Variants in ARIH1 observed in about 807,000 individuals in gnomAD.
The protein encoded by ARIH1 is ariadne RBR E3 ubiquitin protein ligase 1.
ARIH1 carries 8 observed loss-of-function variants against 85.0 expected under a neutral mutation model. That is an observed-to-expected ratio of 0.09 (90% CI 0.06 to 0.17). The LOEUF is 0.17. Ranked by LOEUF, ARIH1 falls within the 10% of genes least tolerant of loss-of-function variation. The probability of loss-of-function intolerance (pLI) is 1.00; values close to 1 mark genes in which losing one functional copy is unlikely to be tolerated. For synonymous variants in ARIH1, 238 were observed against 253.6 expected (o/e 0.94, Z 0.59); for missense variants, 311 against 718.1 (o/e 0.43, Z 6.48).
intron 1 of ARIH1, among the ~76,000 whole-genome samples, chr15:72,497,299 T>C (rs2063883897): frequency 6.8e-6 from 1 of 147,492 alleles, no homozygotes; most frequent in Non-Finnish European, 1.5e-5. Context: ...TTCCTGACTC[T>C]GGAATATTTT....
intron 2 of ARIH1, among the ~76,000 whole-genome samples, chr15:72,519,857 G>T (rs1421085795): frequency 6.6e-6 from 1 of 151,962 alleles, no homozygotes; most frequent in Non-Finnish European, 1.5e-5. Context: ...TTTATTTGAT[G>T]ACACCTCTAC....
intron 3 of ARIH1, among the ~76,000 whole-genome samples, chr15:72,546,679 TTTGTTTTGTTTTG>T (rs2064130294): frequency 2.0e-5 from 3 of 151,628 alleles, no homozygotes; most frequent in African/African-American, 7.3e-5. Context: ...GTGTGTTTTG[TTTGTTTTGTTTTG>T]TTTGTTTGTT....
chr15:72,536,290 T>C (rs1429132042), intron 2 of ARIH1, among the ~76,000 whole-genome samples: 1 of 152,198 alleles, frequency 6.6e-6, no homozygotes, highest in Non-Finnish European at 1.5e-5. Context: ...AGAGATAGGG[T>C]CTTGCTATAT....
rs559984395 is a variant in ARIH1 at position 72,562,177 on chromosome 15, G to C, written c.804+628G>C. 4.6e-5 allele frequency among the ~76,000 whole-genome samples: 7 copies of C among 151,962 alleles called. No homozygotes were observed. In the East Asian group the frequency reaches 1.2e-3, roughly 25 times the overall value. Reference sequence around the variant, plus strand: ...TTCTAACCCTGCTATTTCTCTGCTCGTTTTAGGTTTCATTACCAGTAAATC... The same window carrying C: ...TTCTAACCCTGCTATTTCTCTGCTCCTTTTAGGTTTCATTACCAGTAAATC... On this transcript the variant is annotated intron_variant, in intron 6 of 13. Coordinates refer to ENST00000379887, the MANE Select transcript of ARIH1 (RefSeq NM_005744.5).
chr15:72,561,737 T>G (rs972407386), intron 6 of ARIH1, among the ~76,000 whole-genome samples, 188 bp downstream of exon 6: 1 of 152,178 alleles, frequency 6.6e-6, no homozygotes, highest in South Asian at 2.1e-4. Flanking sequence ...ATCCCAGCAC[T>G]AAGGGAGGCC....
intron 1 of ARIH1, among the ~76,000 whole-genome samples, chr15:72,481,895 G>C (rs1276444831): frequency 2.0e-5 from 3 of 152,026 alleles, no homozygotes; most frequent in Admixed American, 1.3e-4. Context: ...GGGGTGCAGT[G>C]GCGCCATCTC....
intron 3 of ARIH1, among the ~76,000 whole-genome samples, chr15:72,547,242 T>TCTC (rs1242890346): frequency 4.0e-5 from 2 of 49,758 alleles, no homozygotes; most frequent in African/African-American, 1.0e-4. Context: ...CCTTTTCTCT[T>TCTC]TTTTTTTTGA....
chr15:72,543,227 G>A lies in ARIH1; in HGVS notation c.444-1593G>A, dbSNP rs186677105. ...TGGGATTGCAGGTGTGAGCCACCGC[G>A]GCGCCTGTAATCCCAGCTACTCGGG... On this transcript the variant is annotated intron_variant, in intron 2 of 13. Transcript: ENST00000379887. Among the ~76,000 whole-genome samples the A allele has an allele frequency of 4.5e-3, 680 of 152,010 alleles. 2 individuals carry two copies. The highest frequency in any genetic ancestry group is 7.9e-3 in the Non-Finnish European group (537 of 67,960).
intron 2 of ARIH1, among the ~76,000 whole-genome samples, chr15:72,523,722 A>G (rs1357423380): frequency 6.6e-6 from 1 of 151,964 alleles, no homozygotes; most frequent in East Asian, 1.9e-4. Flanking sequence ...TAGGGAGGCT[A>G]TGGGTATGTA....
intron 9 of ARIH1, among the ~76,000 whole-genome samples, chr15:72,569,372 GT>G (rs2064234016): frequency 2.0e-5 from 3 of 152,116 alleles, no homozygotes; most frequent in Admixed American, 2.0e-4. Flanking sequence ...TAGCATACTT[GT>G]TAAGGAGTAC....
chr15:72,529,562 G>GAGTTT (rs2140416772), intron 2 of ARIH1, among the ~76,000 whole-genome samples: 1 of 152,318 alleles, frequency 6.6e-6, no homozygotes, highest in South Asian at 2.1e-4. Flanking sequence ...TGGTGATGAG[G>GAGTTT]AGTTACACAC....
chr15:72,555,952 G>A, intron 5 of ARIH1, 45 bp downstream of exon 5: 1 of 1,532,414 alleles, frequency 6.5e-7, no homozygotes, highest in Non-Finnish European at 9.0e-7. Context: ...TGGTTAGTTG[G>A]TTAAACCAAA....
intron 10 of ARIH1, 122 bp from the exon 11 acceptor site, chr15:72,571,986 C>G (rs1205174964): frequency 4.5e-6 from 3 of 671,414 alleles, no homozygotes; most frequent in African/African-American, 1.8e-5. Context: ...CTCAATTTCT[C>G]TGTTATAAAA....
At chr15:72,540,056 G>A (rs1474110142) in intron 2 of ARIH1, among the ~76,000 whole-genome samples, 7 of 152,052 alleles carry the variant, frequency 4.6e-5, no homozygotes, top group East Asian at 1.9e-4. Flanking sequence ...TCAGGAGTTC[G>A]AGACCAGCCT....
At position 72,600,155 on chromosome 15, in the gene ARIH1, A is replaced by T. The variant is rs1405316509; in HGVS notation, c.*16863A>T. On this transcript the variant is annotated 3_prime_UTR_variant, in exon 14 of 14. Transcript: ENST00000379887. ...ACTGTAGCTCCTTGTTTATACATAT[A>T]TTGGGGGTGTTGAAAAGTTACCGAT... 6.6e-6 allele frequency: 1 copy of T among 152,218 alleles called. No individual in the cohort carries two copies. Among genetic ancestry groups the T allele is most frequent in the African/African-American group, 2.4e-5 (1 of 41,464 alleles). The allele number at this position is 152,218 out of a possible 1,614,324, so 9.4% of individuals were successfully genotyped here.
chr15:72,580,422 T>G, intron 11 of ARIH1: 1 of 286,074 alleles, frequency 3.5e-6, no homozygotes, highest in African/African-American at 2.2e-5. Flanking sequence ...GACATACTGA[T>G]TTCAATTCCT....
chr15:72,508,854 C>T (rs143727864), intron 1 of ARIH1, among the ~76,000 whole-genome samples: 2,032 of 151,926 alleles, frequency 0.013, 22 homozygotes, highest in South Asian at 0.026. Context: ...CCACCATGCC[C>T]GGCTAATTTT....
At chr15:72,536,098 G>C (rs1028840415) in intron 2 of ARIH1, among the ~76,000 whole-genome samples, 2 of 152,164 alleles carry the variant, frequency 1.3e-5, no homozygotes, top group Non-Finnish European at 2.9e-5. Context: ...ACAACCACCA[G>C]TAAAGATGAC....
chr15:72,574,742 A>G (rs1272090615), intron 11 of ARIH1, among the ~76,000 whole-genome samples: 2 of 152,144 alleles, frequency 1.3e-5, no homozygotes, highest in Non-Finnish European at 2.9e-5. Context: ...AAGCAGCCAT[A>G]GACTTAAATG....
Sources: gnomAD v4.1 joint callset for allele counts (sites outside exome capture counted in the v4.1 genomes callset) on GRCh38, gnomAD v4.1.1 for gene constraint, MANE v1.5 for transcripts, NCBI Gene and HGNC (gene_info 2026-07-23, HGNC 2026-07-21) for gene names.